Variants in METTL27 observed in about 807,000 individuals in gnomAD.
METTL27 encodes methyltransferase-like protein 27.
A neutral mutation model predicts 24.5 loss-of-function variants in METTL27; 29 were observed. That is an observed-to-expected ratio of 1.18 (90% CI 0.88 to 1.61). The LOEUF (loss-of-function observed/expected upper bound fraction) is 1.61, where lower values mean the gene tolerates loss of function less well. METTL27 is among the 40% of genes most tolerant of loss of function. METTL27 has a pLI of 0.00. For missense variants in METTL27, 341 were observed against 324.3 expected (o/e 1.05, Z -0.40); for synonymous variants, 138 against 146.8 (o/e 0.94, Z 0.43).
chr7:73,842,178 A>C (rs2130563889), intron 1 of METTL27, 34 bp from the exon 2 acceptor site: 1 of 1,573,826 alleles, frequency 6.4e-7, no homozygotes, highest in Middle Eastern at 2.2e-4. Flanking sequence ...CTCGAGGTCC[A>C]CCTCAATCGC....
intron 5 of METTL27, among the ~76,000 whole-genome samples, chr7:73,836,343 G>T (rs1294600522): frequency 1.3e-5 from 1 of 77,356 alleles, no homozygotes; most frequent in African/African-American, 5.0e-5. Flanking sequence ...CTGCCCGGCC[G>T]CCCCTACTGG....
rs370149363 is a variant in METTL27, at chr7:73,834,862, C to G, written c.619G>C (p.Ala207Pro). The change falls in exon 6 of 6, where the codon GCT (alanine) becomes CCT (proline). Residue 207 changes from alanine to proline, a missense_variant. Transcript: ENST00000297873. ...VAWPVDRLWT[A>P]GSWLPPSWRW... is the part of the protein sequence containing the mutation. ...CAGCTCGGAGGTAGCCAGCTCCCAG[C>G]GGTCCACAGGCGGTCCACAGGCCAG... 3.1e-6 allele frequency: 5 copies of G among 1,611,416 alleles called. No homozygotes were observed. The African/African-American group carries it at 4.0e-5, about 13-fold the overall frequency.
chr7:73,836,073 G>T (rs1788177073), intron 5 of METTL27, among the ~76,000 whole-genome samples: 1 of 152,156 alleles, frequency 6.6e-6, no homozygotes, highest in South Asian at 2.1e-4. Flanking sequence ...CCCCATCCGG[G>T]AGGGAGGTGG....
At chr7:73,841,871 G>T (rs1363478393) in intron 2 of METTL27, 147 bp downstream of exon 2, 1 of 1,311,228 alleles carries the variant, frequency 7.6e-7, no homozygotes, top group Non-Finnish European at 1.0e-6. Context: ...GCTGTGGGGC[G>T]GGTTCTGGAA....
At chr7:73,841,349 G>A (rs1301635708) in intron 2 of METTL27, 151 bp from the exon 3 acceptor site, 9 of 1,229,382 alleles carry the variant, frequency 7.3e-6, no homozygotes, top group African/African-American at 4.8e-5. Context: ...CAGGCATGAG[G>A]TGCTTCCCAT....
intron 2 of METTL27, among the ~76,000 whole-genome samples, chr7:73,841,600 G>A (rs1258583549): frequency 4.6e-5 from 7 of 151,906 alleles, no homozygotes; most frequent in Admixed American, 6.6e-5. Context: ...AGCCTCCAGG[G>A]TAGCTGGGAT....
rs369711229 is a variant in METTL27, at chr7:73,834,873, C to T, written c.608G>A (p.Arg203His). The stretch of plus-strand genomic sequence containing the variant: ...TAGCCAGCTCCCAGCGGTCCACAGG[C>T]GGTCCACAGGCCAGGCCACCAGGCC... Reference protein sequence around the residue: ...WEGLVAWPVDRLWTAGSWLPP... With the variant: ...WEGLVAWPVDHLWTAGSWLPP... The change falls in exon 6 of 6, where the codon CGC becomes CAC. Residue 203 changes from arginine (R) to histidine (H), a missense_variant. Coordinates refer to ENST00000297873, the MANE Select transcript of METTL27 (RefSeq NM_152559.3). 45 of 1,614,108 alleles carry T rather than the reference C, an allele frequency of 2.8e-5. 1 individual carries two copies. The highest frequency in any genetic ancestry group is 2.3e-4 in the South Asian group (21 of 91,090).
chr7:73,836,101 C>T (rs1554635133), intron 5 of METTL27, among the ~76,000 whole-genome samples: 1 of 152,190 alleles, frequency 6.6e-6, no homozygotes, highest in African/African-American at 2.4e-5. Context: ...AGCCCCCCGC[C>T]CCACCAGCCG....
At position 73,841,123 on chromosome 7, in the gene METTL27, G is replaced by A; in HGVS notation, c.199C>T (p.His67Tyr). ...GCCACGTCCAGGATCAGGGCACTGT[G>A]GGGCGGGCCTGGAAGGGCTTGTGTG... ...CLTQALPGPP[H>Y]SALILDVACG... Residue 67 changes from histidine to tyrosine, a missense_variant, in exon 3 of 6, where the codon CAC becomes TAC. By Grantham distance (83) the His-to-Tyr change is moderately conservative. Transcript: ENST00000297873. 1 of 1,536,404 alleles carries A rather than the reference G, an allele frequency of 6.5e-7. No individual in the cohort carries two copies. The highest frequency in any genetic ancestry group is 1.4e-5 in the African/African-American group (1 of 69,292).
chr7:73,836,470 AC>A (rs1788200625), intron 5 of METTL27, among the ~76,000 whole-genome samples: 1 of 88,138 alleles, frequency 1.1e-5, no homozygotes, highest in African/African-American at 5.7e-5. Flanking sequence ...CTGCCCGGCC[AC>A]CCCTACTGGG....
rs1244135643 is a variant in METTL27 at position 73,841,938 on chromosome 7, G to A, written c.123+80C>T. ...TCACTTCGTCCTCACAGCCGCCCCC[G>A]GGTGCAAGGCTGATTCCCCACTTTA... is the stretch of plus-strand genomic sequence containing the variant. On this transcript the variant is annotated intron_variant, in intron 2 of 5. Transcript: ENST00000297873. 4.4e-6 allele frequency: 7 copies of A among 1,608,086 alleles called. No homozygotes were observed. The East Asian group carries it at 1.1e-4, about 26-fold the overall frequency.
Position 73,835,982 on chromosome 7 carries a change from G to A in METTL27, c.479-980C>T, listed in dbSNP as rs1788171745. ...TGAGGAGCCCCTCCGCCTGGCAGCC[G>A]CCCCGTCTGGGAAGTGAGGAGCCCC... On this transcript the variant is annotated intron_variant, in intron 5 of 5. Coordinates refer to ENST00000297873, the MANE Select transcript of METTL27 (RefSeq NM_152559.3). Among the ~76,000 whole-genome samples, 6 of 132,370 alleles carry A rather than the reference G, an allele frequency of 4.5e-5. No individual in the cohort carries two copies. The South Asian group carries it at 6.8e-4, about 15-fold the overall frequency. The allele number at this position is 132,370 out of a possible 152,430, so 86.8% of individuals were successfully genotyped here. A position where few individuals can be genotyped will look rare whatever the true frequency, so the allele number is the denominator to read the frequency against.
intron 5 of METTL27, among the ~76,000 whole-genome samples, chr7:73,835,394 T>G (rs959626286): frequency 4.1e-5 from 6 of 144,650 alleles, no homozygotes; most frequent in Non-Finnish European, 6.1e-5. Flanking sequence ...TGACTGGTTT[T>G]GGTGGAGACG....
chr7:73,842,491 G>A lies in METTL27; in HGVS notation c.-6C>T. The A allele has an allele frequency of 3.9e-6, 1 of 258,636 alleles. No individual in the cohort carries two copies. The highest frequency in any genetic ancestry group is 7.1e-5 in the South Asian group (1 of 14,156). 16.0% of individuals were successfully genotyped at this position (258,636 alleles called of 1,614,324 possible). A position where few individuals can be genotyped will look rare whatever the true frequency, so the allele number is the denominator to read the frequency against. On this transcript the variant is annotated splice_region_variant and 5_prime_UTR_variant, in exon 1 of 6. Coordinates refer to ENST00000297873, the MANE Select transcript of METTL27 (RefSeq NM_152559.3). ...AAGGAGGCCGGAGTCAGAACTCACC[G>A]CCAATCCAGCGCGCCTCGGGCGTGT...
intron 5 of METTL27, among the ~76,000 whole-genome samples, chr7:73,836,041 G>A (rs1251042030): frequency 4.1e-5 from 6 of 147,644 alleles, no homozygotes; most frequent in African/African-American, 1.6e-4. Context: ...GGGAAGTGAG[G>A]AGCGTCTCCG....
At chr7:73,836,009 C>G (rs1788173509) in intron 5 of METTL27, among the ~76,000 whole-genome samples, 1 of 106,276 alleles carries the variant, frequency 9.4e-6, no homozygotes, top group Admixed American at 9.4e-5. Context: ...AGGAGCCCCT[C>G]CGCCCGGCAG....
Position 73,840,055 on chromosome 7 carries a change from G to A in METTL27, c.454C>T (p.Pro152Ser), listed in dbSNP as rs1376598763. The A allele has an allele frequency of 6.2e-7, 1 of 1,610,972 alleles. No individual in the cohort carries two copies. The highest frequency in any genetic ancestry group is 8.5e-7 in the Non-Finnish European group (1 of 1,178,708). The change falls in exon 5 of 6, where the codon CCT (proline) becomes TCT (serine). Residue 152 changes from proline to serine, a missense_variant. Physicochemically the swap from Pro to Ser is moderately conservative, Grantham distance 74 (BLOSUM62 -1). Coordinates refer to ENST00000297873, the MANE Select transcript of METTL27 (RefSeq NM_152559.3). Reference sequence around the variant, plus strand: ...CCTGGCTTGGTGACATGTAGCTCAGGTATCGCATTGCAGGGCACCTGGCCG... The same window carrying A: ...CCTGGCTTGGTGACATGTAGCTCAGATATCGCATTGCAGGGCACCTGGCCG... ...SDGQVPCNAI[P>S]ELHVTKPGGL... is the part of the protein sequence containing the mutation.
Position 73,840,136 on chromosome 7 carries a change from G to GC in METTL27, c.389-17_389-16insG. 2.0e-6 allele frequency: 3 copies of GC among 1,471,390 alleles called. No individual in the cohort carries two copies. Among genetic ancestry groups the GC allele is most frequent in the Admixed American group, 1.8e-5 (1 of 56,880 alleles). 91.1% of individuals were successfully genotyped at this position (1,471,390 alleles called of 1,614,324 possible). A position where few individuals can be genotyped will look rare whatever the true frequency, so the allele number is the denominator to read the frequency against. On this transcript the variant is annotated splice_polypyrimidine_tract_variant and intron_variant, in intron 4 of 5. Transcript: ENST00000297873. ...TCGAAGGTCCCTGTGTGTGTGTGGG[G>GC]GGGGGTGGGGACATGGTGTGATGCT...
At chr7:73,835,212 C>A (rs1788133239) in intron 5 of METTL27, 1 of 445,626 alleles carries the variant, frequency 2.2e-6, no homozygotes, top group Non-Finnish European at 3.9e-6. Flanking sequence ...CTCTCCCTCT[C>A]CCTCTCCCTC....
Sources: allele counts gnomAD v4.1 joint callset (sites outside exome capture counted in the v4.1 genomes callset), GRCh38; gene constraint gnomAD v4.1.1; transcripts MANE v1.5; gene names NCBI Gene and HGNC (gene_info 2026-07-23, HGNC 2026-07-21).